MIX23: variants seen among roughly 807,000 people sequenced by gnomAD.
MIX23 encodes protein MIX23.
In MIX23, 13 loss-of-function variants were observed where a neutral mutation model predicts 21.6. That is an observed-to-expected ratio of 0.60 (90% CI 0.39 to 0.96). The LOEUF is 0.96. Among genes scored for constraint, MIX23 ranks in the 40% least tolerant of loss-of-function variants. The probability of loss-of-function intolerance (pLI) is 0.00; values close to 1 mark genes in which losing one functional copy is unlikely to be tolerated. For synonymous variants in MIX23, 59 were observed against 58.0 expected (o/e 1.02, Z -0.08); for missense variants, 144 against 171.2 (o/e 0.84, Z 0.89).
intron 1 of MIX23, among the ~76,000 whole-genome samples, chr3:122,378,566 C>T (rs891001507): frequency 8.5e-5 from 13 of 152,174 alleles, no homozygotes; most frequent in Admixed American, 2.0e-4. Context: ...TAGATGATTG[C>T]TTTTAGGCTA....
At chr3:122,383,091 G>A in intron 1 of MIX23, 83 bp downstream of exon 1, 3 of 1,542,586 alleles carry the variant, frequency 1.9e-6, no homozygotes, top group South Asian at 2.2e-5. Context: ...TCCAAAGCTG[G>A]TTCATACTCC....
At chr3:122,376,085 C>T (rs1238654201) in intron 1 of MIX23, among the ~76,000 whole-genome samples, 1 of 136,112 alleles carries the variant, frequency 7.3e-6, no homozygotes, top group Non-Finnish European at 1.5e-5. Flanking sequence ...ATCACTTGAA[C>T]AAGGGAGGCA....
chr3:122,362,903 T>A (rs986690331), intron 4 of MIX23, 65 bp downstream of exon 4: 22 of 1,307,926 alleles, frequency 1.7e-5, no homozygotes, highest in Non-Finnish European at 2.2e-5. Context: ...TCCCCCTCCC[T>A]TGGTTTCCCT....
intron 3 of MIX23, among the ~76,000 whole-genome samples, chr3:122,365,971 C>T (rs60874922): frequency 0.024 from 3,620 of 151,872 alleles, 135 homozygotes; most frequent in African/African-American, 0.084. Context: ...GTCAGGAGTT[C>T]GAGACCAGTC....
chr3:122,371,773 C>G lies in MIX23; in HGVS notation c.79G>C (p.Asp27His). ...QELLKVMRTI[D>H]DRIVHELNTT... ...TTTAATTCATGTACTATTCTGTCAT[C>G]AATTGTCCTCATCACCTTGAGTAAT... The change falls in exon 2 of 5, where the codon GAT becomes CAT. Residue 27 changes from aspartate to histidine, a missense_variant. By Grantham distance (81) the Asp-to-His change is moderately conservative (BLOSUM62 -1). Transcript: ENST00000291458. 1 of 1,603,852 alleles carries G rather than the reference C, an allele frequency of 6.2e-7. No individual in the cohort carries two copies. Among genetic ancestry groups the G allele is most frequent in the Non-Finnish European group, 8.5e-7 (1 of 1,170,866 alleles).
At chr3:122,365,273 TAAAG>T (rs1297189061) in intron 3 of MIX23, 4 of 152,184 alleles carry the variant, frequency 2.6e-5, no homozygotes, top group South Asian at 2.1e-4. Context: ...AGTCACAACT[TAAAG>T]AAACTGACTG....
intron 1 of MIX23, among the ~76,000 whole-genome samples, chr3:122,372,734 G>A (rs966763039): frequency 2.6e-5 from 4 of 151,924 alleles, no homozygotes; most frequent in Non-Finnish European, 5.9e-5. Flanking sequence ...TGGGAGGCTG[G>A]GGCAGGAAGA....
At position 122,359,830 on chromosome 3, in the gene MIX23, TAAAAAAAAA is replaced by T. The variant is rs527562300; in HGVS notation, c.*30_*38del. The T allele has an allele frequency of 0.025, 25,564 of 1,003,066 alleles. 207 individuals carry two copies. Among genetic ancestry groups the T allele is most frequent in the Non-Finnish European group, 0.028 (21,430 of 778,588 alleles). The allele number at this position is 1,003,066 out of a possible 1,614,324, so 62.1% of individuals were successfully genotyped here. On this transcript the variant is annotated 3_prime_UTR_variant, in exon 5 of 5. Coordinates refer to ENST00000291458, the MANE Select transcript of MIX23 (RefSeq NM_001017928.4). ...AGCTCTTATGAGATGACCCAGTCCT[TAAAAAAAAA>T]AAAAAAAAAAAAAAAAAAAGAATCT...
At chr3:122,382,545 A>G (rs1316324021) in intron 1 of MIX23, among the ~76,000 whole-genome samples, 1 of 152,242 alleles carries the variant, frequency 6.6e-6, no homozygotes, top group African/African-American at 2.4e-5. Flanking sequence ...TGGAACAGAT[A>G]ACTTTAATGG....
At chr3:122,374,936 C>T (rs954463229) in intron 1 of MIX23, among the ~76,000 whole-genome samples, 1 of 152,088 alleles carries the variant, frequency 6.6e-6, no homozygotes. Flanking sequence ...GTAACATTTG[C>T]GCTAAAATCT....
intron 1 of MIX23, among the ~76,000 whole-genome samples, chr3:122,374,072 C>T (rs2075463924): frequency 6.7e-6 from 1 of 149,892 alleles, no homozygotes; most frequent in East Asian, 1.9e-4. Flanking sequence ...CAGGGACCTA[C>T]CTTGCCACTT....
intron 1 of MIX23, among the ~76,000 whole-genome samples, chr3:122,381,647 G>A (rs963615721): frequency 6.6e-6 from 1 of 151,700 alleles, no homozygotes; most frequent in Non-Finnish European, 1.5e-5. Flanking sequence ...GAACTCGGGA[G>A]GTGGAGGTTG....
chr3:122,382,216 C>T (rs2075538367), intron 1 of MIX23, among the ~76,000 whole-genome samples: 1 of 152,024 alleles, frequency 6.6e-6, no homozygotes, highest in Admixed American at 6.5e-5. Flanking sequence ...CACTTTAGGC[C>T]GGGCGTGGTG....
chr3:122,365,972 G>A (rs1576231356), intron 3 of MIX23, among the ~76,000 whole-genome samples: 1 of 151,842 alleles, frequency 6.6e-6, no homozygotes, highest in Non-Finnish European at 1.5e-5. Flanking sequence ...TCAGGAGTTC[G>A]AGACCAGTCT....
chr3:122,372,508 A>AC (rs1272673628), intron 1 of MIX23, among the ~76,000 whole-genome samples: 1 of 152,084 alleles, frequency 6.6e-6, no homozygotes, highest in Non-Finnish European at 1.5e-5. Context: ...AACAACAACA[A>AC]AACACAGCCA....
intron 2 of MIX23, among the ~76,000 whole-genome samples, chr3:122,370,124 G>A (rs1023840541): frequency 2.0e-5 from 3 of 152,044 alleles, no homozygotes; most frequent in African/African-American, 7.2e-5. Flanking sequence ...CTATGAACTA[G>A]GTACCATTAT....
Position 122,371,777 on chromosome 3 carries a change from T to G in MIX23, c.75A>C (p.Thr25=). 1 of 1,604,856 alleles carries G rather than the reference T, an allele frequency of 6.2e-7. No individual in the cohort carries two copies. Among genetic ancestry groups the G allele is most frequent in the Admixed American group, 1.7e-5 (1 of 59,938 alleles). ...ATTCATGTACTATTCTGTCATCAAT[T>G]GTCCTCATCACCTTGAGTAATTCCT... The part of the protein sequence containing the change: ...EFQELLKVMR[T]IDDRIVHELN... Residue 25 remains threonine, a synonymous_variant, in exon 2 of 5, where the codon ACA becomes ACC. Coordinates refer to ENST00000291458, the MANE Select transcript of MIX23 (RefSeq NM_001017928.4).
chr3:122,371,979 T>C (rs141310280), intron 1 of MIX23, among the ~76,000 whole-genome samples, 179 bp from the exon 2 acceptor site: 2 of 152,178 alleles, frequency 1.3e-5, no homozygotes, highest in Non-Finnish European at 2.9e-5. Context: ...GTAGGTTAAG[T>C]AATGGTAATC....
At chr3:122,362,083 T>C (rs1037961193) in intron 4 of MIX23, among the ~76,000 whole-genome samples, 3 of 152,224 alleles carry the variant, frequency 2.0e-5, no homozygotes, top group Non-Finnish European at 2.9e-5. Flanking sequence ...AGTCAGAGTT[T>C]CATGAATTTT....
Sources: gnomAD v4.1 joint callset for allele counts (sites outside exome capture counted in the v4.1 genomes callset) on GRCh38, gnomAD v4.1.1 for gene constraint, MANE v1.5 for transcripts, NCBI Gene and HGNC (gene_info 2026-07-23, HGNC 2026-07-21) for gene names.